TNKS2: variants seen among roughly 807,000 people sequenced by gnomAD.
TNKS2 encodes tankyrase 2, also known as poly [ADP-ribose] polymerase tankyrase-2.
Under a neutral mutation model 137.6 loss-of-function variants are expected in TNKS2, and 72 were observed. That is an observed-to-expected ratio of 0.52 (90% CI 0.43 to 0.64). The LOEUF (loss-of-function observed/expected upper bound fraction) is 0.64, where lower values mean the gene tolerates loss of function less well. Among genes scored for constraint, TNKS2 ranks in the 30% least tolerant of loss-of-function variants. The pLI, the probability that TNKS2 is intolerant of heterozygous loss-of-function variation, is 0.00. For synonymous variants in TNKS2, 516 were observed against 512.1 expected, an observed-to-expected ratio of 1.01 and a Z score of -0.10; for missense variants, 1,049 against 1,410.2, an observed-to-expected ratio of 0.74 and a Z score of 4.10.
rs543617540 is a variant in TNKS2 at position 91,819,258 on chromosome 10, T to C, written c.521-12T>C. 9 of 1,412,904 alleles carry C rather than the reference T, an allele frequency of 6.4e-6. No individual in the cohort carries two copies. Among genetic ancestry groups the C allele is most frequent in the Middle Eastern group, 3.7e-4 (2 of 5,356 alleles). The allele number at this position is 1,412,904 out of a possible 1,614,324, so 87.5% of individuals were successfully genotyped here. A position where few individuals can be genotyped will look rare whatever the true frequency, so the allele number is the denominator to read the frequency against. The stretch of plus-strand genomic sequence containing the variant: ...TTTAATTTCTATACTTTTTTTTTTT[T>C]CTAATTCACAGGTGAATATAAGAAA... On this transcript the variant is annotated splice_polypyrimidine_tract_variant and intron_variant, in intron 3 of 26. Coordinates refer to ENST00000371627, the MANE Select transcript of TNKS2 (RefSeq NM_025235.4).
chr10:91,855,770 A>C, intron 23 of TNKS2, 82 bp downstream of exon 23: 1 of 1,022,400 alleles, frequency 9.8e-7, no homozygotes, highest in Non-Finnish European at 1.5e-6. Flanking sequence ...TAAGAATCTA[A>C]TCTGTCTAGC....
chr10:91,828,227 T>C, intron 8 of TNKS2, 58 bp from the exon 9 acceptor site: 2 of 1,394,528 alleles, frequency 1.4e-6, no homozygotes, highest in Admixed American at 3.0e-5. Flanking sequence ...AGATGTCTTT[T>C]AGATAAGGCT....
chr10:91,822,451 T>A, intron 7 of TNKS2, 89 bp downstream of exon 7: 1 of 1,095,288 alleles, frequency 9.1e-7, no homozygotes, highest in Non-Finnish European at 1.4e-6. Context: ...CTTTTTATTT[T>A]CTGTGTTCTT....
At chr10:91,840,413 A>G (rs1842175112) in intron 13 of TNKS2, 148 bp from the exon 14 acceptor site, 1 of 664,182 alleles carries the variant, frequency 1.5e-6, no homozygotes, top group African/African-American at 1.8e-5. Context: ...GACAAGGTGA[A>G]ATAAGAATAC....
At chr10:91,819,442 A>C in intron 4 of TNKS2, 40 bp from the exon 5 acceptor site, 1 of 1,518,560 alleles carries the variant, frequency 6.6e-7, no homozygotes, top group Non-Finnish European at 8.9e-7. Context: ...GGAACATCTG[A>C]TGAAGAATGC....
At position 91,857,544 on chromosome 10, in the gene TNKS2, C is replaced by G. The variant is rs370868009; in HGVS notation, c.3094+14C>G. On this transcript the variant is annotated intron_variant, in intron 24 of 26. Coordinates refer to ENST00000371627, the MANE Select transcript of TNKS2 (RefSeq NM_025235.4). Reference sequence around the variant, plus strand: ...TGCTATTTCATGGTAAGATTCCTCCCCACCAACTCTACCACTGTCTTCCAC... The same window carrying G: ...TGCTATTTCATGGTAAGATTCCTCCGCACCAACTCTACCACTGTCTTCCAC... 3.2e-6 allele frequency: 5 copies of G among 1,558,446 alleles called. No homozygotes were observed. In the Admixed American group the frequency reaches 8.4e-5, roughly 26 times the overall value.
intron 11 of TNKS2, among the ~76,000 whole-genome samples, chr10:91,833,507 G>A (rs930731504): frequency 6.6e-6 from 1 of 152,052 alleles, no homozygotes; most frequent in South Asian, 2.1e-4. Flanking sequence ...TGTCTATCTC[G>A]GGGTTAAGCT....
chr10:91,810,115 G>A (rs900221243), intron 1 of TNKS2, among the ~76,000 whole-genome samples: 1 of 152,094 alleles, frequency 6.6e-6, no homozygotes, highest in Non-Finnish European at 1.5e-5. Context: ...CAGTGCGGTG[G>A]CTTGTGCCTG....
At chr10:91,862,790 G>A in intron 26 of TNKS2, 147 bp from the exon 27 acceptor site, 1 of 578,152 alleles carries the variant, frequency 1.7e-6, no homozygotes, top group Non-Finnish European at 3.1e-6. Context: ...TCAGGGTAAA[G>A]ATGTTTTGAG....
At chr10:91,815,242 C>G (rs1844646835) in intron 2 of TNKS2, among the ~76,000 whole-genome samples, 1 of 152,134 alleles carries the variant, frequency 6.6e-6, no homozygotes. Context: ...TAAGTTGGAC[C>G]TCATGGTCCC....
chr10:91,804,587 G>A (rs1433529474), intron 1 of TNKS2, among the ~76,000 whole-genome samples: 1 of 152,158 alleles, frequency 6.6e-6, no homozygotes, highest in Non-Finnish European at 1.5e-5. Flanking sequence ...CTGATGATAT[G>A]CCTATTCATG....
In TNKS2 at chr10:91,798,526, C is replaced by T. The variant is rs1238239177; in HGVS notation, c.-165C>T. On this transcript the variant is annotated 5_prime_UTR_variant, in exon 1 of 27. Transcript: ENST00000371627. ...GGCAGGGAGCCCAGCGAGGGGCGCGCGTGGGCGCGGCCATGGGACTGCGCC... is the reference window on the plus strand; with the variant it reads ...GGCAGGGAGCCCAGCGAGGGGCGCGTGTGGGCGCGGCCATGGGACTGCGCC... 2.3e-5 allele frequency: 18 copies of T among 792,350 alleles called. No homozygotes were observed. The highest frequency in any genetic ancestry group is 3.0e-5 in the Non-Finnish European group (18 of 601,262). The allele number at this position is 792,350 out of a possible 1,614,324, so 49.1% of individuals were successfully genotyped here.
chr10:91,833,843 C>A lies in TNKS2; in HGVS notation c.1276-10C>A, dbSNP rs1170990786. The stretch of plus-strand genomic sequence containing the variant: ...TGCGGGCTAATTTCAATTTTTTCTG[C>A]TTTGTTAAGGTTAATGCTCTGGATA... On this transcript the variant is annotated splice_polypyrimidine_tract_variant and intron_variant, in intron 11 of 26. Transcript: ENST00000371627. 6.4e-7 allele frequency: 1 copy of A among 1,556,312 alleles called. No individual in the cohort carries two copies. Among genetic ancestry groups the A allele is most frequent in the Admixed American group, 2.1e-5 (1 of 48,168 alleles).
At chr10:91,819,630 TAAATTG>T in intron 5 of TNKS2, 73 bp downstream of exon 5, 2 of 1,188,868 alleles carry the variant, frequency 1.7e-6, no homozygotes, top group Non-Finnish European at 2.4e-6. Flanking sequence ...TATCTTATGA[TAAATTG>T]AAACATATTT....
At chr10:91,853,407 A>G (rs1842610415) in intron 21 of TNKS2, among the ~76,000 whole-genome samples, 1 of 152,218 alleles carries the variant, frequency 6.6e-6, no homozygotes, top group Admixed American at 6.5e-5. Flanking sequence ...TACTACATAA[A>G]GTTACCATCT....
Position 91,836,910 on chromosome 10 carries a change from C to T in TNKS2, c.1448-9C>T, listed in dbSNP as rs747563445. 11 of 1,598,100 alleles carry T rather than the reference C, an allele frequency of 6.9e-6. No individual in the cohort carries two copies. Among genetic ancestry groups the T allele is most frequent in the Admixed American group, 3.4e-5 (2 of 58,282 alleles). ...GTTAGTCACTCTTCTCTCTCTCTCTCTTTTTTAGAGGGTATCTCATTAGGT... is the reference window on the plus strand; with the variant it reads ...GTTAGTCACTCTTCTCTCTCTCTCTTTTTTTTAGAGGGTATCTCATTAGGT... On this transcript the variant is annotated splice_polypyrimidine_tract_variant and intron_variant, in intron 12 of 26. Transcript: ENST00000371627.
At position 91,865,148 on chromosome 10, in the gene TNKS2, A is replaced by AT. The variant is rs111308061; in HGVS notation, c.*2160dup. Reference sequence around the variant, plus strand: ...GAATTGCTTTTTCTTTTGTCTTGTGATTTTTTTTTTTGAAGTGAAATTTAA... The same window carrying AT: ...GAATTGCTTTTTCTTTTGTCTTGTGATTTTTTTTTTTTGAAGTGAAATTTAA... On this transcript the variant is annotated 3_prime_UTR_variant, in exon 27 of 27. Coordinates refer to ENST00000371627, the MANE Select transcript of TNKS2 (RefSeq NM_025235.4). The AT allele has an allele frequency of 3.5e-3, 511 of 147,990 alleles. 1 individual carries two copies. The highest frequency in any genetic ancestry group is 3.5e-3 in the Middle Eastern group (1 of 282). 9.2% of individuals were successfully genotyped at this position (147,990 alleles called of 1,614,324 possible). A position where few individuals can be genotyped will look rare whatever the true frequency, so the allele number is the denominator to read the frequency against.
In TNKS2 at chr10:91,851,234, G is replaced by A; in HGVS notation, c.2713G>A (p.Val905Ile). The A allele has an allele frequency of 6.2e-7, 1 of 1,613,694 alleles. No homozygotes were observed. ...EREQITLDVLVEMGHKELKEI... is the reference protein window; with the variant it reads ...EREQITLDVLIEMGHKELKEI... ...TTGTAAGATCACTTTGGATGTATTA[G>A]TTGAGATGGGGCACAAGGAGCTGAA... is the stretch of plus-strand genomic sequence containing the variant. Residue 905 changes from valine (V) to isoleucine (I), a missense_variant, in exon 21 of 27, where the codon GTT (valine) becomes ATT (isoleucine). Around this residue, in one of 6 missense-constraint regions of TNKS2, gnomAD observed 208 missense variants for 231.2 expected, o/e 0.90. Transcript: ENST00000371627.
intron 18 of TNKS2, among the ~76,000 whole-genome samples, chr10:91,847,141 C>A (rs1842397849): frequency 6.6e-6 from 1 of 152,080 alleles, no homozygotes; most frequent in Non-Finnish European, 1.5e-5. Flanking sequence ...AAACAAATGT[C>A]ATTTACAAAT....
Sources: gnomAD v4.1 joint callset for allele counts (sites outside exome capture counted in the v4.1 genomes callset) on GRCh38, gnomAD v4.1.1 for gene constraint, gnomAD v4.1.1 regional missense constraint, MANE v1.5 for transcripts, NCBI Gene and HGNC (gene_info 2026-07-23, HGNC 2026-07-21) for gene names.